Variants in SUGCT observed in about 807,000 individuals in gnomAD.
The protein encoded by SUGCT is succinyl-CoA:glutarate CoA-transferase.
SUGCT carries 41 observed loss-of-function variants against 55.0 expected under a neutral mutation model. The observed-to-expected ratio is 0.74, with a 90% confidence interval of 0.58 to 0.97. The LOEUF is 0.97. Ranked by LOEUF, SUGCT falls within the 50% of genes least tolerant of loss-of-function variation. The pLI is 0.00. For synonymous variants in SUGCT, 187 were observed against 200.4 expected (o/e 0.93, Z 0.56); for missense variants, 568 against 547.8 (o/e 1.04, Z -0.37).
chr7:40,562,305 A>G (rs1795885435), intron 12 of SUGCT, among the ~76,000 whole-genome samples: 1 of 151,844 alleles, frequency 6.6e-6, no homozygotes, highest in African/African-American at 2.4e-5. Flanking sequence ...TCTCAAAAAA[A>G]AAAAAAAAAG....
At chr7:40,420,325 TTTTTTGTTTTTTGTTTTTG>T (rs1258288242) in intron 9 of SUGCT, among the ~76,000 whole-genome samples, 3 of 151,846 alleles carry the variant, frequency 2.0e-5, no homozygotes, top group East Asian at 3.9e-4. Context: ...GTATGTAGTT[TTTTTTGTTTTTTGTTTTTG>T]TTTTTGTTTT....
intron 9 of SUGCT, among the ~76,000 whole-genome samples, chr7:40,364,708 T>C (rs1382640894): frequency 2.0e-5 from 3 of 152,190 alleles, no homozygotes; most frequent in Non-Finnish European, 4.4e-5. Context: ...GGGCTTCCCT[T>C]TGTGGGTAAC....
chr7:40,757,116 T>G (rs915908492), intron 13 of SUGCT, among the ~76,000 whole-genome samples: 1 of 152,154 alleles, frequency 6.6e-6, no homozygotes, highest in African/African-American at 2.4e-5. Context: ...TCTCTGGAAG[T>G]CCCTATAACA....
chr7:40,190,200 T>G (rs1410659186), intron 5 of SUGCT, among the ~76,000 whole-genome samples: 1 of 152,166 alleles, frequency 6.6e-6, no homozygotes, highest in African/African-American at 2.4e-5. Flanking sequence ...GTTACATAAC[T>G]TCTTTGTGTC....
intron 12 of SUGCT, among the ~76,000 whole-genome samples, chr7:40,665,407 C>T (rs916215725): frequency 8.7e-5 from 13 of 148,930 alleles, no homozygotes; most frequent in South Asian, 2.1e-4. Context: ...CCAGCCTGGG[C>T]GACAAAAGTG....
At chr7:40,963,374 G>T in the SUGCT span, among the ~76,000 whole-genome samples, 1 of 152,088 alleles carries the variant, frequency 6.6e-6, no homozygotes, top group African/African-American at 2.4e-5. Flanking sequence ...CCAATTTTTA[G>T]TCTTCCCAAT....
intron 9 of SUGCT, among the ~76,000 whole-genome samples, chr7:40,446,047 A>G (rs1788814593): frequency 6.6e-6 from 1 of 152,084 alleles, no homozygotes; most frequent in Admixed American, 6.6e-5. Context: ...AGGGAGGGGT[A>G]TGGAGCTTCC....
the SUGCT span, among the ~76,000 whole-genome samples, chr7:40,866,093 G>A: frequency 6.6e-6 from 1 of 151,992 alleles, no homozygotes; most frequent in Non-Finnish European, 1.5e-5. Context: ...CTAGAACTTT[G>A]CACGAGTACT....
intron 9 of SUGCT, among the ~76,000 whole-genome samples, chr7:40,397,838 A>G (rs983304890): frequency 6.6e-6 from 1 of 152,160 alleles, no homozygotes; most frequent in Non-Finnish European, 1.5e-5. Context: ...GGTCCATTCC[A>G]TATCCCTTCT....
At chr7:40,411,487 G>A (rs1220213284) in intron 9 of SUGCT, among the ~76,000 whole-genome samples, 1 of 152,192 alleles carries the variant, frequency 6.6e-6, no homozygotes, top group Non-Finnish European at 1.5e-5. Flanking sequence ...GGAACTGGAG[G>A]TCATTATGTT....
chr7:40,938,003 C>T, the SUGCT span, among the ~76,000 whole-genome samples: 2 of 152,148 alleles, frequency 1.3e-5, no homozygotes, highest in Non-Finnish European at 2.9e-5. Context: ...TGGGTTTGTG[C>T]TCCTGTGAAG....
intron 12 of SUGCT, among the ~76,000 whole-genome samples, chr7:40,543,086 T>C (rs1200925704): frequency 2.0e-5 from 3 of 152,184 alleles, no homozygotes; most frequent in Non-Finnish European, 4.4e-5. Flanking sequence ...AAAATGTCCA[T>C]GTGAACTAAT....
chr7:40,413,816 C>CAA (rs1210437790), intron 9 of SUGCT, among the ~76,000 whole-genome samples: 1 of 152,090 alleles, frequency 6.6e-6, no homozygotes, highest in Non-Finnish European at 1.5e-5. Flanking sequence ...AAAAAACTTT[C>CAA]AATCTCATTA....
the SUGCT span, among the ~76,000 whole-genome samples, chr7:40,898,610 G>A: frequency 3.3e-5 from 5 of 151,690 alleles, no homozygotes; most frequent in Non-Finnish European, 7.4e-5. Flanking sequence ...TGTAGTCCTA[G>A]CTACGGGGGA....
At chr7:41,025,989 G>A in the SUGCT span, among the ~76,000 whole-genome samples, 1 of 152,138 alleles carries the variant, frequency 6.6e-6, no homozygotes, top group Admixed American at 6.5e-5. Context: ...GAGAGGCCTT[G>A]GAGGCCAGCA....
rs137992275 is a variant in SUGCT at position 40,379,872 on chromosome 7, A to T, written c.816+63017A>T. Among the ~76,000 whole-genome samples the T allele has an allele frequency of 7.6e-3, 1,154 of 152,292 alleles. 14 individuals carry two copies. Among genetic ancestry groups the T allele is most frequent in the African/African-American group, 0.026 (1,097 of 41,560 alleles). ...ATGTGTTCATGGGTCTCATAGGTTA[A>T]CAGGAATATGGTGGTAGCTTCTCAA... On this transcript the variant is annotated intron_variant, in intron 9 of 13. Coordinates refer to ENST00000335693, the MANE Select transcript of SUGCT (RefSeq NM_001193313.2).
chr7:40,270,437 T>G (rs1791932073), intron 7 of SUGCT, among the ~76,000 whole-genome samples: 1 of 152,210 alleles, frequency 6.6e-6, no homozygotes. Flanking sequence ...AATTTTTGTA[T>G]GTACTGCAAG....
intron 12 of SUGCT, among the ~76,000 whole-genome samples, chr7:40,657,675 C>G (rs1266659683): frequency 6.6e-6 from 1 of 151,804 alleles, no homozygotes; most frequent in Non-Finnish European, 1.5e-5. Flanking sequence ...GCTGGGATTA[C>G]AGGCACCCGC....
intron 1 of SUGCT, among the ~76,000 whole-genome samples, chr7:40,179,820 T>C (rs1461249519): frequency 1.3e-5 from 2 of 152,222 alleles, no homozygotes; most frequent in Non-Finnish European, 2.9e-5. Flanking sequence ...TAAGCACTTA[T>C]CCTGCCTCTG....
Sources: allele counts gnomAD v4.1 joint callset (sites outside exome capture counted in the v4.1 genomes callset), GRCh38; gene constraint gnomAD v4.1.1; transcripts MANE v1.5; gene names NCBI Gene and HGNC (gene_info 2026-07-23, HGNC 2026-07-21).